Variants in PDZD2 observed in about 807,000 individuals in gnomAD.
The protein encoded by PDZD2 is PDZ domain containing 2, also known as PDZ domain-containing protein 2.
A neutral mutation model predicts 220.7 loss-of-function variants in PDZD2; 90 were observed. That is an observed-to-expected ratio of 0.41 (90% confidence interval 0.34 to 0.49). The LOEUF (loss-of-function observed/expected upper bound fraction) is 0.49. Ranked by LOEUF, PDZD2 falls within the 20% of genes least tolerant of loss-of-function variation. The probability of loss-of-function intolerance (pLI) is 0.28; values close to 1 mark genes in which losing one functional copy is unlikely to be tolerated. For synonymous variants in PDZD2, 1,375 were observed against 1,450.5 expected (o/e 0.95, Z 1.18); for missense variants, 3,174 against 3,608.5 (o/e 0.88, Z 3.08).
intron 6 of PDZD2, among the ~76,000 whole-genome samples, chr5:32,015,604 G>C (rs917226507): frequency 2.6e-5 from 4 of 152,100 alleles, no homozygotes; most frequent in Non-Finnish European, 5.9e-5. Flanking sequence ...AAATGTTTAC[G>C]ATCTCCAATA....
At position 31,983,709 on chromosome 5, in the gene PDZD2, T is replaced by C. The variant is rs1470153686; in HGVS notation, c.978+53T>C. ...GAATTTTATTTATCGTGTGTGTTTGTTTGTTTTTGCAGCCCAGCCCATGCG... is the reference window on the plus strand; with the variant it reads ...GAATTTTATTTATCGTGTGTGTTTGCTTGTTTTTGCAGCCCAGCCCATGCG... On this transcript the variant is annotated intron_variant, in intron 3 of 24. Transcript: ENST00000438447. 1.9e-6 allele frequency: 3 copies of C among 1,550,168 alleles called. No individual in the cohort carries two copies. In the African/African-American group the frequency reaches 4.1e-5, roughly 21 times the overall value.
At chr5:31,975,746 G>A (rs569501924) in intron 2 of PDZD2, among the ~76,000 whole-genome samples, 4 of 147,786 alleles carry the variant, frequency 2.7e-5, no homozygotes, top group African/African-American at 7.5e-5. Context: ...CAAAGAAATC[G>A]ATTATCTTCA....
intron 9 of PDZD2, among the ~76,000 whole-genome samples, chr5:32,053,018 G>A (rs1738730892): frequency 6.6e-6 from 1 of 152,170 alleles, no homozygotes; most frequent in African/African-American, 2.4e-5. Context: ...GTCTTTACAT[G>A]AAATGAAAAG....
At chr5:32,039,761 T>C (rs1157792798) in intron 7 of PDZD2, among the ~76,000 whole-genome samples, 1 of 133,960 alleles carries the variant, frequency 7.5e-6, no homozygotes, top group Non-Finnish European at 1.6e-5. Flanking sequence ...CCACCCCGTC[T>C]AGGAAGTGAG....
chr5:31,965,564 G>A (rs1163492673), intron 2 of PDZD2, among the ~76,000 whole-genome samples: 1 of 152,094 alleles, frequency 6.6e-6, no homozygotes, highest in Admixed American at 6.5e-5. Context: ...TAAGAGCTAG[G>A]GCTTTACAAG....
chr5:31,820,053 G>GGAT (rs1755735770), intron 2 of PDZD2, among the ~76,000 whole-genome samples: 1 of 152,208 alleles, frequency 6.6e-6, no homozygotes. Flanking sequence ...AGAATACCAG[G>GGAT]GATAGCTCCC....
At chr5:31,994,249 C>T (rs922179040) in intron 3 of PDZD2, among the ~76,000 whole-genome samples, 2 of 151,870 alleles carry the variant, frequency 1.3e-5, no homozygotes, top group Non-Finnish European at 2.9e-5. Context: ...TCTGGTGATC[C>T]CCCCACCTTG....
Position 32,083,049 on chromosome 5 carries a change from T to C in PDZD2, c.3683-4082T>C, listed in dbSNP as rs1193138038. Among the ~76,000 whole-genome samples, 1 of 152,088 alleles carries C rather than the reference T, an allele frequency of 6.6e-6. No individual in the cohort carries two copies. The highest frequency in any genetic ancestry group is 2.4e-5 in the African/African-American group (1 of 41,408). ...ATTCTAGAAACTTAAGAAATTACAA[T>C]TGAGAGGGAAGTTTTGAAAGATAGC... On this transcript the variant is annotated intron_variant, in intron 19 of 24. Coordinates refer to ENST00000438447, the MANE Select transcript of PDZD2 (RefSeq NM_178140.4). The surrounding 1 kb of genome is among the most constrained non-coding windows in gnomAD (Gnocchi z 4.1).
chr5:31,754,666 A>C (rs1489600088), intron 1 of PDZD2: 1 of 152,148 alleles, frequency 6.6e-6, no homozygotes, highest in South Asian at 2.1e-4. Flanking sequence ...CCTTGAGTAA[A>C]AAAAGCTCTG....
At chr5:31,967,502 A>C (rs1748862535) in intron 2 of PDZD2, among the ~76,000 whole-genome samples, 1 of 152,224 alleles carries the variant, frequency 6.6e-6, no homozygotes, top group African/African-American at 2.4e-5. Flanking sequence ...GAGATGTGGC[A>C]GGGGCAGTGT....
chr5:31,814,996 A>C (rs1755346767), intron 2 of PDZD2, among the ~76,000 whole-genome samples: 1 of 151,748 alleles, frequency 6.6e-6, no homozygotes, highest in African/African-American at 2.4e-5. Flanking sequence ...TAATCCCTAC[A>C]CTTCAGGAGG....
rs1431995738 is a variant in PDZD2, at chr5:32,072,372, G to A, written c.2725+55G>A. ...CTCTGCATTCCAGTCAGCAGTGACT[G>A]GTTTCCACCTCTGTGCTGGCGGCTA... On this transcript the variant is annotated intron_variant, in intron 17 of 24. Coordinates refer to ENST00000438447, the MANE Select transcript of PDZD2 (RefSeq NM_178140.4). The A allele has an allele frequency of 1.7e-5, 23 of 1,364,408 alleles. 1 individual carries two copies. In the Admixed American group the frequency reaches 4.5e-4, roughly 27 times the overall value. 84.5% of individuals were successfully genotyped at this position (1,364,408 alleles called of 1,614,324 possible).
chr5:31,642,613 C>T (rs1033601430), intron 1 of PDZD2, among the ~76,000 whole-genome samples: 3 of 152,166 alleles, frequency 2.0e-5, no homozygotes, highest in Non-Finnish European at 2.9e-5. Flanking sequence ...TCATGAGAGT[C>T]CCTCCATTCT....
intron 24 of PDZD2, 73 bp downstream of exon 24, chr5:32,101,312 G>T: frequency 7.3e-7 from 1 of 1,370,530 alleles, no homozygotes; most frequent in Non-Finnish European, 1.0e-6. Flanking sequence ...TGAAAAAAAT[G>T]CCTTCCATTT....
At chr5:31,813,449 C>CA (rs60551914) in intron 2 of PDZD2, among the ~76,000 whole-genome samples, 17,827 of 93,534 alleles carry the variant, frequency 0.19, 3,223 homozygotes, top group East Asian at 0.29. Flanking sequence ...GACTCCGTCT[C>CA]AAAAAAAAAA....
chr5:32,049,714 G>A (rs1738334033), intron 8 of PDZD2, among the ~76,000 whole-genome samples: 1 of 152,208 alleles, frequency 6.6e-6, no homozygotes, highest in South Asian at 2.1e-4. Context: ...AGAATAACAA[G>A]TGCCCATGTT....
intron 2 of PDZD2, among the ~76,000 whole-genome samples, chr5:31,919,123 A>G (rs1015176417): frequency 1.3e-5 from 2 of 152,240 alleles, no homozygotes; most frequent in African/African-American, 4.8e-5. Context: ...TGGAGGAGTG[A>G]GTAGGTTTTA....
In PDZD2 at chr5:31,847,188, T is replaced by C. The variant is rs114597797; in HGVS notation, c.476+47464T>C. ...AAACATTGGATTATTGTAAGGCTCT[T>C]TGGGGACATCTGATAAGAAGCCCAC... is the stretch of plus-strand genomic sequence containing the variant. On this transcript the variant is annotated intron_variant, in intron 2 of 24. Coordinates refer to ENST00000438447, the MANE Select transcript of PDZD2 (RefSeq NM_178140.4). The C allele has an allele frequency of 3.6e-3, 617 of 170,058 alleles. 7 individuals are homozygous for C. The highest frequency in any genetic ancestry group is 0.014 in the African/African-American group (576 of 41,922). The allele number at this position is 170,058 out of a possible 1,614,324, so 10.5% of individuals were successfully genotyped here.
At chr5:32,022,328 G>A (rs1019960613) in intron 6 of PDZD2, among the ~76,000 whole-genome samples, 2 of 149,946 alleles carry the variant, frequency 1.3e-5, no homozygotes, top group Non-Finnish European at 3.0e-5. Context: ...CTCCCAAGTA[G>A]CTGGGACTAC....
Sources: gnomAD v4.1 joint callset for allele counts (sites outside exome capture counted in the v4.1 genomes callset) on GRCh38, gnomAD v4.1.1 for gene constraint, Gnocchi (gnomAD v3.1) non-coding constraint, MANE v1.5 for transcripts, NCBI Gene and HGNC (gene_info 2026-07-23, HGNC 2026-07-21) for gene names.